Variants in AASS observed in about 807,000 individuals in gnomAD.
AASS encodes alpha-aminoadipic semialdehyde synthase, mitochondrial.
AASS carries 86 observed loss-of-function variants against 105.4 expected under a neutral mutation model. That is an observed-to-expected ratio of 0.82 (90% confidence interval 0.69 to 0.98). AASS has a LOEUF of 0.98. Among genes scored for constraint, AASS ranks in the 50% least tolerant of loss-of-function variants. AASS has a pLI of 0.00. For missense variants in AASS, 1,048 were observed against 1,143.2 expected (o/e 0.92, Z 1.20); for synonymous variants, 381 against 394.8 (o/e 0.96, Z 0.41).
At chr7:122,077,079 C>A (rs1793052678) in intron 23 of AASS, among the ~76,000 whole-genome samples, 2 of 152,140 alleles carry the variant, frequency 1.3e-5, no homozygotes, top group Non-Finnish European at 2.9e-5. Context: ...ATGACCCCAA[C>A]TTTTATCACT....
In AASS at chr7:122,092,920, C is replaced by G; in HGVS notation, c.1798G>C (p.Glu600Gln). The change falls in exon 17 of 24, where the codon GAA becomes CAA. Residue 600 changes from glutamate to glutamine, a missense_variant. By Grantham distance (29) the Glu-to-Gln change is conservative (BLOSUM62 2). Transcript: ENST00000417368. ...TCCAGACCAGGGTCCAATCCCAATT[C>G]ACCAATGATTGTGATGCCAGCATCT... ...VEDAGITIIG[E>Q]LGLDPGLDHM... 6.2e-7 allele frequency: 1 copy of G among 1,613,906 alleles called. No individual in the cohort carries two copies. The highest frequency in any genetic ancestry group is 8.5e-7 in the Non-Finnish European group (1 of 1,179,876).
At chr7:122,099,210 T>G (rs967973405) in intron 13 of AASS, among the ~76,000 whole-genome samples, 6 of 151,930 alleles carry the variant, frequency 3.9e-5, no homozygotes, top group Admixed American at 2.6e-4. Flanking sequence ...TAACTTGGTC[T>G]CACATTTTAT....
intron 11 of AASS, among the ~76,000 whole-genome samples, chr7:122,112,689 C>A (rs1219652130): frequency 6.6e-6 from 1 of 152,068 alleles, no homozygotes; most frequent in Non-Finnish European, 1.5e-5. Flanking sequence ...AAATACATGA[C>A]CTCAACATAA....
At chr7:122,143,653 T>C (rs558727418) in intron 1 of AASS, among the ~76,000 whole-genome samples, 74 of 151,770 alleles carry the variant, frequency 4.9e-4, no homozygotes, top group African/African-American at 1.8e-3. Flanking sequence ...TTGTGATCAG[T>C]TTGGCTAAGC....
chr7:122,104,702 A>T (rs1040168932), intron 11 of AASS, among the ~76,000 whole-genome samples: 5 of 152,144 alleles, frequency 3.3e-5, no homozygotes, highest in Admixed American at 1.3e-4. Context: ...ACATGTTCTC[A>T]GTTATAAGTG....
chr7:122,112,798 A>G (rs1306188470), intron 11 of AASS, among the ~76,000 whole-genome samples: 1 of 152,216 alleles, frequency 6.6e-6, no homozygotes, highest in South Asian at 2.1e-4. Context: ...GTGCCCCAAT[A>G]TGAACTGACA....
Position 122,128,637 on chromosome 7 carries a change from T to G in AASS, c.387+724A>C, listed in dbSNP as rs554264920. On this transcript the variant is annotated intron_variant, in intron 3 of 23. Coordinates refer to ENST00000417368, the MANE Select transcript of AASS (RefSeq NM_005763.4). ...ATAAAGATACTTTACTCTTTGGCTC[T>G]TTCCTTGGAACAAACAGTGTCAGAC... Among the ~76,000 whole-genome samples, 5 of 152,356 alleles carry G rather than the reference T, an allele frequency of 3.3e-5. No homozygotes were observed. In the South Asian group the frequency reaches 8.3e-4, roughly 25 times the overall value.
chr7:122,101,528 GA>G, intron 12 of AASS, 90 bp from the exon 13 acceptor site: 3 of 1,475,928 alleles, frequency 2.0e-6, no homozygotes, highest in Non-Finnish European at 2.8e-6. Flanking sequence ...AAGACAGAAT[GA>G]CAAAGATGGA....
At chr7:122,103,135 CA>C (rs1260966948) in intron 11 of AASS, among the ~76,000 whole-genome samples, 1 of 151,940 alleles carries the variant, frequency 6.6e-6, no homozygotes, top group African/African-American at 2.4e-5. Flanking sequence ...CAACAATCTC[CA>C]AACAGAGTTA....
At chr7:122,100,513 T>C (rs918014032) in intron 13 of AASS, among the ~76,000 whole-genome samples, 1 of 151,878 alleles carries the variant, frequency 6.6e-6, no homozygotes, top group African/African-American at 2.4e-5. Context: ...AGCCTAACTA[T>C]AGTACGCTTG....
chr7:122,092,535 A>G, intron 17 of AASS, among the ~76,000 whole-genome samples: 1 of 151,990 alleles, frequency 6.6e-6, no homozygotes, highest in Non-Finnish European at 1.5e-5. Context: ...GACTGGCCTG[A>G]CCAACATGGA....
chr7:122,104,112 A>G (rs1036077155), intron 11 of AASS, among the ~76,000 whole-genome samples: 1 of 152,148 alleles, frequency 6.6e-6, no homozygotes. Context: ...TTGGCATATC[A>G]ATAATTACTC....
At position 122,077,980 on chromosome 7, in the gene AASS, G is replaced by A. The variant is rs976504512; in HGVS notation, c.2520C>T (p.Asp840=). The change falls in exon 23 of 24, where the codon GAC becomes GAT. Residue 840 remains aspartate, a synonymous_variant. Coordinates refer to ENST00000417368, the MANE Select transcript of AASS (RefSeq NM_005763.4). ...PEEKDMIVMR[D]SFGIRHPSGH... is the part of the protein sequence containing the mutation. The stretch of plus-strand genomic sequence containing the variant: ...CAGAAGGATGTCTGATTCCAAAGCT[G>A]TCTCTCATCACAATCATATCTTTTT... 6.2e-7 allele frequency: 1 copy of A among 1,614,122 alleles called. No individual in the cohort carries two copies. Among genetic ancestry groups the A allele is most frequent in the Non-Finnish European group, 8.5e-7 (1 of 1,180,014 alleles).
intron 15 of AASS, among the ~76,000 whole-genome samples, chr7:122,095,597 A>G (rs748509963): frequency 8.6e-5 from 13 of 151,632 alleles, no homozygotes; most frequent in Admixed American, 6.6e-4. Flanking sequence ...AAAAAAAACA[A>G]TAAAACCACT....
chr7:122,125,780 C>A (rs1284073226), intron 4 of AASS, among the ~76,000 whole-genome samples: 2 of 96,218 alleles, frequency 2.1e-5, no homozygotes, highest in Admixed American at 1.8e-4. Context: ...AATTTTGCTC[C>A]TAAGAGAAGT....
In AASS at chr7:122,115,124, C is replaced by A; in HGVS notation, c.993G>T (p.Pro331=). 6.2e-7 allele frequency: 1 copy of A among 1,613,984 alleles called. No individual in the cohort carries two copies. Among genetic ancestry groups the A allele is most frequent in the South Asian group, 1.1e-5 (1 of 91,066 alleles). ...CCACACCAGCAGGTGAGAACTTGCC[C>A]GGAGCCAGGAGACTCTGAGCATCTT... ...TRQDAQSLLA[P]GKFSPAGVEG... The change falls in exon 9 of 24, where the codon CCG becomes CCT. Residue 331 remains proline (P), a synonymous_variant. Transcript: ENST00000417368.
intron 15 of AASS, among the ~76,000 whole-genome samples, chr7:122,093,771 C>G (rs1244522493): frequency 1.3e-5 from 2 of 152,058 alleles, no homozygotes; most frequent in Non-Finnish European, 2.9e-5. Context: ...GATCACAGCA[C>G]TGCACACTAG....
intron 3 of AASS, among the ~76,000 whole-genome samples, 155 bp from the exon 4 acceptor site, chr7:122,126,614 T>A (rs1349201567): frequency 6.6e-6 from 1 of 152,202 alleles, no homozygotes; most frequent in East Asian, 1.9e-4. Flanking sequence ...ATGAAATATT[T>A]AGAAAACGCC....
At chr7:122,126,247 C>T in intron 4 of AASS, 128 bp downstream of exon 4, 3 of 824,544 alleles carry the variant, frequency 3.6e-6, no homozygotes, top group Non-Finnish European at 6.5e-6. Flanking sequence ...CATCCTTCAG[C>T]ATACCTTCAT....
Sources: gnomAD v4.1 joint callset for allele counts (sites outside exome capture counted in the v4.1 genomes callset) on GRCh38, gnomAD v4.1.1 for gene constraint, MANE v1.5 for transcripts, NCBI Gene and HGNC (gene_info 2026-07-23, HGNC 2026-07-21) for gene names.